The following CFAP299 variants were observed in gnomAD, a reference collection of about 807,000 sequenced individuals.
CFAP299 encodes cilia- and flagella-associated protein 299.
In CFAP299, 21 loss-of-function variants were observed where a neutral mutation model predicts 27.0. The observed-to-expected ratio is 0.78, with a 90% CI of 0.55 to 1.12. The LOEUF is 1.12. CFAP299 is among the 50% of genes most tolerant of loss of function. The pLI is 0.00. For missense variants in CFAP299, 310 were observed against 276.6 expected (o/e 1.12, Z -0.86); for synonymous variants, 104 against 98.1 (o/e 1.06, Z -0.36).
At chr4:80,391,984 C>T (rs1380963925) in intron 2 of CFAP299, among the ~76,000 whole-genome samples, 1 of 152,180 alleles carries the variant, frequency 6.6e-6, no homozygotes, top group African/African-American at 2.4e-5. Flanking sequence ...CATTTTGGAC[C>T]TCGTGACCTG....
At chr4:80,401,458 A>G (rs1265347334) in intron 2 of CFAP299, among the ~76,000 whole-genome samples, 1 of 152,228 alleles carries the variant, frequency 6.6e-6, no homozygotes, top group Non-Finnish European at 1.5e-5. Context: ...GCCAATGTAC[A>G]GCTTGGGCTG....
In CFAP299 at chr4:80,957,418, A is replaced by T. The variant is rs1738125715; in HGVS notation, c.607-6099A>T. On this transcript the variant is annotated intron_variant, in intron 5 of 5. Coordinates refer to ENST00000358105, the MANE Select transcript of CFAP299 (RefSeq NM_152770.3). ...TACATTATTAAGAAACAATTTTTAAAAGAAGATAGAATCATCATTCTCACA... is the reference window on the plus strand; with the variant it reads ...TACATTATTAAGAAACAATTTTTAATAGAAGATAGAATCATCATTCTCACA... 2.6e-5 allele frequency among the ~76,000 whole-genome samples: 4 copies of T among 152,334 alleles called. No individual in the cohort carries two copies. The South Asian group carries it at 8.3e-4, about 32-fold the overall frequency.
intron 3 of CFAP299, among the ~76,000 whole-genome samples, chr4:80,722,613 A>C (rs924425544): frequency 6.6e-6 from 1 of 151,818 alleles, no homozygotes; most frequent in Non-Finnish European, 1.5e-5. Context: ...AGAAAACAAA[A>C]AATTCGGCCG....
chr4:80,617,808 G>C (rs920204849), intron 3 of CFAP299, among the ~76,000 whole-genome samples: 3 of 152,222 alleles, frequency 2.0e-5, no homozygotes, highest in Admixed American at 2.0e-4. Flanking sequence ...TAAGCATTTT[G>C]ATATGTTTTT....
chr4:80,602,542 C>G (rs1737410926), intron 3 of CFAP299, among the ~76,000 whole-genome samples: 1 of 152,002 alleles, frequency 6.6e-6, no homozygotes, highest in Admixed American at 6.6e-5. Context: ...TAGATCTCTG[C>G]CTTATACCAG....
At chr4:80,701,426 G>T (rs1040891097) in intron 3 of CFAP299, among the ~76,000 whole-genome samples, 16 of 152,034 alleles carry the variant, frequency 1.1e-4, no homozygotes, top group Middle Eastern at 3.2e-3. Flanking sequence ...TGTTGGTTTT[G>T]TTGAGAAAGT....
At chr4:80,799,375 TAA>T (rs1728116874) in intron 3 of CFAP299, among the ~76,000 whole-genome samples, 1 of 96,494 alleles carries the variant, frequency 1.0e-5, no homozygotes, top group Non-Finnish European at 1.8e-5. Context: ...TTTATATATA[TAA>T]ATGTATTTAT....
intron 1 of CFAP299, among the ~76,000 whole-genome samples, chr4:80,353,637 C>T (rs1490087608): frequency 2.0e-5 from 3 of 152,150 alleles, no homozygotes; most frequent in Non-Finnish European, 4.4e-5. Context: ...TAGCTTGATA[C>T]AAGTGAAGCT....
At chr4:80,457,816 T>C (rs1729240165) in intron 2 of CFAP299, among the ~76,000 whole-genome samples, 1 of 152,164 alleles carries the variant, frequency 6.6e-6, no homozygotes, top group Admixed American at 6.5e-5. Flanking sequence ...CTAGGAGCCA[T>C]CTACAATAGA....
chr4:80,694,416 T>C (rs1041888730), intron 3 of CFAP299, among the ~76,000 whole-genome samples: 3 of 152,216 alleles, frequency 2.0e-5, no homozygotes, highest in Non-Finnish European at 2.9e-5. Context: ...AGGGTAATGT[T>C]TTCTCAGTAA....
intron 3 of CFAP299, among the ~76,000 whole-genome samples, chr4:80,712,638 A>G (rs1027147030): frequency 6.6e-6 from 1 of 152,150 alleles, no homozygotes; most frequent in Non-Finnish European, 1.5e-5. Flanking sequence ...CTTTCAAATC[A>G]ACAACTCAAT....
chr4:80,386,333 G>A (rs1438879361), intron 2 of CFAP299: 4 of 1,370,882 alleles, frequency 2.9e-6, no homozygotes, highest in East Asian at 2.3e-5. Flanking sequence ...CACCCACGAC[G>A]ATGGAAAGCT....
chr4:80,887,395 G>A (rs112555887), intron 4 of CFAP299, among the ~76,000 whole-genome samples: 5,263 of 152,096 alleles, frequency 0.035, 207 homozygotes, highest in African/African-American at 0.098. Flanking sequence ...ACTTCTCAGT[G>A]GAAACATTAG....
At chr4:80,325,539 T>C in the CFAP299 span, among the ~76,000 whole-genome samples, 1 of 152,242 alleles carries the variant, frequency 6.6e-6, no homozygotes, top group Non-Finnish European at 1.5e-5. Flanking sequence ...GTTTATTTTC[T>C]ACAATGACAA....
chr4:80,392,258 C>T (rs1369324732), intron 2 of CFAP299, among the ~76,000 whole-genome samples: 1 of 152,056 alleles, frequency 6.6e-6, no homozygotes, highest in African/African-American at 2.4e-5. Context: ...AGACTTTGGG[C>T]TTGGACTTTT....
intron 2 of CFAP299, among the ~76,000 whole-genome samples, chr4:80,506,869 A>G (rs1331078685): frequency 6.6e-6 from 1 of 152,170 alleles, no homozygotes; most frequent in African/African-American, 2.4e-5. Context: ...ATGGAGATTC[A>G]ATATAATATG....
chr4:80,805,504 A>C (rs1728818056), intron 3 of CFAP299, among the ~76,000 whole-genome samples: 1 of 152,264 alleles, frequency 6.6e-6, no homozygotes, highest in African/African-American at 2.4e-5. Flanking sequence ...TTGAACACCT[A>C]CTCAGAACAT....
At chr4:80,913,583 C>T (rs920382576) in intron 4 of CFAP299, among the ~76,000 whole-genome samples, 3 of 152,106 alleles carry the variant, frequency 2.0e-5, no homozygotes, top group African/African-American at 4.8e-5. Flanking sequence ...GCAACTTCCT[C>T]GTTAGGCAAG....
intron 3 of CFAP299, among the ~76,000 whole-genome samples, chr4:80,663,048 T>C (rs1239103253): frequency 6.6e-6 from 1 of 152,044 alleles, no homozygotes. Context: ...CAATGCTTAT[T>C]CCTTATTTTA....
Sources: gnomAD v4.1 joint callset for allele counts (sites outside exome capture counted in the v4.1 genomes callset) on GRCh38, gnomAD v4.1.1 for gene constraint, MANE v1.5 for transcripts, NCBI Gene and HGNC (gene_info 2026-07-23, HGNC 2026-07-21) for gene names.